The following AK2 variants were observed in gnomAD, a reference collection of about 807,000 sequenced individuals.
AK2 encodes the protein adenylate kinase 2, mitochondrial.
In AK2, 15 loss-of-function variants were observed where a neutral mutation model predicts 24.6. The ratio of observed to expected loss-of-function variants is 0.61; its 90% CI spans 0.41 to 0.94. The LOEUF (loss-of-function observed/expected upper bound fraction) is 0.94, where lower values mean the gene tolerates loss of function less well. AK2 is among the 40% of genes least tolerant of loss of function. The pLI, the probability that AK2 is intolerant of heterozygous loss-of-function variation, is 0.00. For synonymous variants in AK2, 102 were observed against 114.0 expected, an observed-to-expected ratio of 0.90 and a Z score of 0.67; for missense variants, 257 against 304.1, an observed-to-expected ratio of 0.85 and a Z score of 1.15.
intron 1 of AK2, among the ~76,000 whole-genome samples, chr1:33,026,530 C>T (rs964565104): frequency 2.0e-5 from 3 of 152,188 alleles, no homozygotes; most frequent in African/African-American, 4.8e-5. Context: ...TGTACTTGGC[C>T]GGGTGCAGTG....
intron 1 of AK2, among the ~76,000 whole-genome samples, chr1:33,028,036 C>T (rs968620530): frequency 6.6e-6 from 1 of 152,170 alleles, no homozygotes; most frequent in African/African-American, 2.4e-5. Flanking sequence ...AGACACGCAG[C>T]AGGCATTCAA....
At position 33,011,872 on chromosome 1, in the gene AK2, T is replaced by C. The variant is rs1480453311; in HGVS notation, c.*1309A>G. The C allele has an allele frequency of 2.6e-6, 4 of 1,527,010 alleles. No individual in the cohort carries two copies. The highest frequency in any genetic ancestry group is 1.2e-5 in the South Asian group (1 of 83,094). The allele number at this position is 1,527,010 out of a possible 1,614,324, so 94.6% of individuals were successfully genotyped here. A position where few individuals can be genotyped will look rare whatever the true frequency, so the allele number is the denominator to read the frequency against. ...GGGAAGTCCATGGCTATAGCCATCA[T>C]AAAATTAGGGGTGAAGGGTTGGATC... On this transcript the variant is annotated 3_prime_UTR_variant, in exon 6 of 6. Transcript: ENST00000672715.
At chr1:33,014,697 T>A in intron 4 of AK2, 103 bp from the exon 5 acceptor site, 1 of 984,778 alleles carries the variant, frequency 1.0e-6, no homozygotes. Flanking sequence ...GGACGCTGGA[T>A]GCAAGGACCC....
chr1:33,012,155 G>A lies in AK2; in HGVS notation c.*1026C>T. ...TTCAGAAGACAATCTGAATTCAAAA[G>A]GACCTTTCACCTGGTTTAATTCTCT... On this transcript the variant is annotated 3_prime_UTR_variant, in exon 6 of 6. Coordinates refer to ENST00000672715, the MANE Select transcript of AK2 (RefSeq NM_001625.4). 6.5e-7 allele frequency: 1 copy of A among 1,535,430 alleles called. No individual in the cohort carries two copies. Among genetic ancestry groups the A allele is most frequent in the Non-Finnish European group, 8.7e-7 (1 of 1,146,728 alleles).
intron 1 of AK2, 54 bp from the exon 2 acceptor site, chr1:33,024,621 C>G: frequency 6.2e-7 from 1 of 1,611,786 alleles, no homozygotes; most frequent in Non-Finnish European, 8.5e-7. Context: ...GCTGTGGAGT[C>G]AGACTGCCTA....
Position 33,011,954 on chromosome 1 carries a change from T to C in AK2, c.*1227A>G. On this transcript the variant is annotated 3_prime_UTR_variant, in exon 6 of 6. Coordinates refer to ENST00000672715, the MANE Select transcript of AK2 (RefSeq NM_001625.4). ...CATATCTGATTTCAGTTTTATGTCC[T>C]GGAGAGAGACTGGGTTTGAATAAAT... 6.5e-7 allele frequency: 1 copy of C among 1,534,434 alleles called. No homozygotes were observed. The highest frequency in any genetic ancestry group is 8.7e-7 in the Non-Finnish European group (1 of 1,146,446).
Position 33,012,040 on chromosome 1 carries a change from G to C in AK2, c.*1141C>G. On this transcript the variant is annotated 3_prime_UTR_variant, in exon 6 of 6. Coordinates refer to ENST00000672715, the MANE Select transcript of AK2 (RefSeq NM_001625.4). ...TGTTTTGTTCACACTTGGAAACACA[G>C]GCAAACATTAAAAATAAAAGCAAAT... The C allele has an allele frequency of 6.5e-7, 1 of 1,535,330 alleles. No individual in the cohort carries two copies. The highest frequency in any genetic ancestry group is 8.7e-7 in the Non-Finnish European group (1 of 1,146,696).
At chr1:33,034,560 A>G (rs749399360) in intron 1 of AK2, among the ~76,000 whole-genome samples, 37 of 152,042 alleles carry the variant, frequency 2.4e-4, no homozygotes, top group Non-Finnish European at 3.8e-4. Context: ...GTCTTGCCCA[A>G]TGCTTTATAT....
At chr1:33,013,505 TG>T in intron 5 of AK2, 103 bp from the exon 6 acceptor site, 1 of 1,542,018 alleles carries the variant, frequency 6.5e-7, no homozygotes, top group Non-Finnish European at 8.8e-7. Context: ...CCCAGGATGC[TG>T]TCTGTTCCCA....
rs187417924 is a variant in AK2 at position 33,008,739 on chromosome 1, C to T, written c.*4442G>A. The T allele has an allele frequency of 8.8e-6, 4 of 454,096 alleles. No homozygotes were observed. Among genetic ancestry groups the T allele is most frequent in the South Asian group, 1.6e-5 (1 of 64,476 alleles). 28.1% of individuals were successfully genotyped at this position (454,096 alleles called of 1,614,324 possible). On this transcript the variant is annotated 3_prime_UTR_variant, in exon 6 of 6. Transcript: ENST00000672715. ...TCCACAGGGTGCTGTGTGAGGGTTA[C>T]GTGAAGTCGAGGGTTACATGAAGCC...
At chr1:33,033,354 TTTAAAACAC>T (rs1640369438) in intron 1 of AK2, among the ~76,000 whole-genome samples, 2 of 151,930 alleles carry the variant, frequency 1.3e-5, no homozygotes, top group South Asian at 4.2e-4. Context: ...GACCCCCATC[TTTAAAACAC>T]TAGAAAAGTT....
Position 33,012,761 on chromosome 1 carries a change from G to T in AK2, c.*420C>A. 1.1e-6 allele frequency: 1 copy of T among 947,360 alleles called. No homozygotes were observed. The highest frequency in any genetic ancestry group is 1.5e-6 in the Non-Finnish European group (1 of 678,636). The allele number at this position is 947,360 out of a possible 1,614,324, so 58.7% of individuals were successfully genotyped here. A position where few individuals can be genotyped will look rare whatever the true frequency, so the allele number is the denominator to read the frequency against. On this transcript the variant is annotated 3_prime_UTR_variant, in exon 6 of 6. Coordinates refer to ENST00000672715, the MANE Select transcript of AK2 (RefSeq NM_001625.4). ...AAAATACAAATATCAGCCAGGTGTT[G>T]TGGCATGCACCTGTAGTCCCAGCTG...
intron 1 of AK2, among the ~76,000 whole-genome samples, chr1:33,036,200 C>T (rs965588241): frequency 4.6e-5 from 7 of 152,154 alleles, no homozygotes; most frequent in Non-Finnish European, 7.3e-5. Flanking sequence ...GGTTTCCTCC[C>T]ATCTCAATTC....
intron 1 of AK2, among the ~76,000 whole-genome samples, chr1:33,035,821 G>C (rs890808791): frequency 2.6e-5 from 4 of 152,110 alleles, no homozygotes; most frequent in Admixed American, 2.0e-4. Flanking sequence ...ATTTGGGAAA[G>C]CCACCTGACC....
chr1:33,012,346 G>T lies in AK2; in HGVS notation c.*835C>A, dbSNP rs113978835. The T allele has an allele frequency of 2.0e-3, 2,984 of 1,529,370 alleles. 3 individuals carry two copies. The highest frequency in any genetic ancestry group is 2.9e-3 in the Admixed American group (146 of 50,884). 94.7% of individuals were successfully genotyped at this position (1,529,370 alleles called of 1,614,324 possible). A position where few individuals can be genotyped will look rare whatever the true frequency, so the allele number is the denominator to read the frequency against. On this transcript the variant is annotated 3_prime_UTR_variant, in exon 6 of 6. Transcript: ENST00000672715. ...TAAGTGCCTTTTTCCTTCCACCTAG[G>T]GGGAAAAAATTAATGATCCCTGTTC...
chr1:33,029,259 G>C (rs1238496614), intron 1 of AK2: 1 of 152,108 alleles, frequency 6.6e-6, no homozygotes, highest in Non-Finnish European at 1.5e-5. Flanking sequence ...ATGTTGCCCA[G>C]GGTGGAGCAC....
At chr1:33,035,157 A>G (rs899504454) in intron 1 of AK2, among the ~76,000 whole-genome samples, 1 of 152,236 alleles carries the variant, frequency 6.6e-6, no homozygotes, top group Non-Finnish European at 1.5e-5. Flanking sequence ...TGAGTGTGGC[A>G]GCAACAGGAA....
In AK2 at chr1:33,010,572, C is replaced by T; in HGVS notation, c.*2609G>A. The T allele has an allele frequency of 1.1e-6, 1 of 871,416 alleles. No homozygotes were observed. Among genetic ancestry groups the T allele is most frequent in the Non-Finnish European group, 1.8e-6 (1 of 543,696 alleles). The allele number at this position is 871,416 out of a possible 1,614,324, so 54.0% of individuals were successfully genotyped here. ...CTTAGAAATAATATTGTGTCTATTTCTACCCCCACCCTCCAAGCATGGTGT... is the reference window on the plus strand; with the variant it reads ...CTTAGAAATAATATTGTGTCTATTTTTACCCCCACCCTCCAAGCATGGTGT... On this transcript the variant is annotated 3_prime_UTR_variant, in exon 6 of 6. Coordinates refer to ENST00000672715, the MANE Select transcript of AK2 (RefSeq NM_001625.4).
chr1:33,019,622 G>C (rs547467905), intron 4 of AK2: 26 of 990,386 alleles, frequency 2.6e-5, no homozygotes, highest in Middle Eastern at 5.2e-4. Flanking sequence ...GGATAATAGT[G>C]CTAACCCTGT....
Sources: gnomAD v4.1 joint callset for allele counts (sites outside exome capture counted in the v4.1 genomes callset) on GRCh38, gnomAD v4.1.1 for gene constraint, MANE v1.5 for transcripts, NCBI Gene and HGNC (gene_info 2026-07-23, HGNC 2026-07-21) for gene names.